NAB2: variants seen among roughly 807,000 people sequenced by gnomAD.
The protein encoded by NAB2 is NGFI-A-binding protein 2.
NAB2 carries 9 observed loss-of-function variants against 44.2 expected under a neutral mutation model. That is an observed-to-expected ratio of 0.20 (90% CI 0.12 to 0.36). The LOEUF (loss-of-function observed/expected upper bound fraction) is 0.36. NAB2 is among the 10% of genes least tolerant of loss of function. NAB2 has a pLI of 1.00. For missense variants in NAB2, 514 were observed against 709.0 expected (o/e 0.73, Z 3.12); for synonymous variants, 342 against 291.0 (o/e 1.18, Z -1.78).
chr12:57,091,785 T>C lies in NAB2; in HGVS notation c.744T>C (p.Ser248=), dbSNP rs531758924. ...AGATGGTACGCATGGTGGTGGAAAG[T>C]GTGGAGAGGATCTTCCGGAGCTTCC... ...EPEMVRMVVE[S]VERIFRSFPR... Residue 248 remains serine, a synonymous_variant, in exon 2 of 7, where the codon AGT becomes AGC. Coordinates refer to ENST00000300131, the MANE Select transcript of NAB2 (RefSeq NM_005967.4). This position sits in a 1 kb window ranked among gnomAD's most constrained non-coding sequence, Gnocchi z 7.3. 1.2e-6 allele frequency: 2 copies of C among 1,613,866 alleles called. No individual in the cohort carries two copies. Among genetic ancestry groups the C allele is most frequent in the Admixed American group, 1.7e-5 (1 of 60,014 alleles).
chr12:57,094,820 T>G lies in NAB2; in HGVS notation c.*99T>G. ...GGAATCTAGTCACAACCCTGGATCC[T>G]TCCTCTGCCCTTCTCCTGCCTCCCC... On this transcript the variant is annotated 3_prime_UTR_variant, in exon 7 of 7. Transcript: ENST00000300131. The G allele has an allele frequency of 7.3e-5, 70 of 952,598 alleles. No individual in the cohort carries two copies. Among genetic ancestry groups the G allele is most frequent in the Non-Finnish European group, 1.0e-4 (64 of 641,472 alleles). The allele number at this position is 952,598 out of a possible 1,614,324, so 59.0% of individuals were successfully genotyped here.
In NAB2 at chr12:57,093,314, G is replaced by C. The variant is rs186065396; in HGVS notation, c.1277-93G>C. 652 of 1,467,154 alleles carry C rather than the reference G, an allele frequency of 4.4e-4. 3 individuals carry two copies. The African/African-American group carries it at 4.6e-3, about 10-fold the overall frequency. The allele number at this position is 1,467,154 out of a possible 1,614,324, so 90.9% of individuals were successfully genotyped here. A position where few individuals can be genotyped will look rare whatever the true frequency, so the allele number is the denominator to read the frequency against. ...ACAGGGTTGGGAGACCTGGCTGGAGGGGGGGCAGAAGGGCCTGTGGGCTGG... is the reference window on the plus strand; with the variant it reads ...ACAGGGTTGGGAGACCTGGCTGGAGCGGGGGCAGAAGGGCCTGTGGGCTGG... On this transcript the variant is annotated intron_variant, in intron 5 of 6. Coordinates refer to ENST00000300131, the MANE Select transcript of NAB2 (RefSeq NM_005967.4).
Position 57,089,246 on chromosome 12 carries a change from G to A in NAB2, c.-26G>A. On this transcript the variant is annotated 5_prime_UTR_variant, in exon 1 of 7. Coordinates refer to ENST00000300131, the MANE Select transcript of NAB2 (RefSeq NM_005967.4). Reference sequence around the variant, plus strand: ...CGCCGAGCGCCGGGCACCGAGAAGGGCAGCCCGGGTGATCTCCGGCCGTCC... The same window carrying A: ...CGCCGAGCGCCGGGCACCGAGAAGGACAGCCCGGGTGATCTCCGGCCGTCC... 1.9e-6 allele frequency: 3 copies of A among 1,559,366 alleles called. No individual in the cohort carries two copies. Among genetic ancestry groups the A allele is most frequent in the Non-Finnish European group, 2.6e-6 (3 of 1,152,056 alleles).
intron 2 of NAB2, 174 bp from the exon 3 acceptor site, chr12:57,092,274 T>C: frequency 9.2e-7 from 1 of 1,091,620 alleles, no homozygotes; most frequent in Non-Finnish European, 1.3e-6. Flanking sequence ...CCTAGGAAGC[T>C]GTGGGTGCTG....
In NAB2 at chr12:57,094,987, T is replaced by C; in HGVS notation, c.*266T>C. On this transcript the variant is annotated 3_prime_UTR_variant, in exon 7 of 7. Transcript: ENST00000300131. ...GACTCTGCCTCCAGGGCATCTGGGG[T>C]TTTCCCCTCCCTCACACAACACACT... The C allele has an allele frequency of 2.0e-6, 1 of 489,068 alleles. No individual in the cohort carries two copies. The allele number at this position is 489,068 out of a possible 1,614,324, so 30.3% of individuals were successfully genotyped here. A position where few individuals can be genotyped will look rare whatever the true frequency, so the allele number is the denominator to read the frequency against.
Position 57,089,172 on chromosome 12 carries a change from A to T in NAB2, c.-100A>T, listed in dbSNP as rs544277888. ...GTGGAGGGAGGGACAGAGCCTGGAC[A>T]GCGGTGGACACGGCATCGTGCGCGG... On this transcript the variant is annotated 5_prime_UTR_variant, in exon 1 of 7. Transcript: ENST00000300131. 2.4e-6 allele frequency: 3 copies of T among 1,238,174 alleles called. No individual in the cohort carries two copies. The highest frequency in any genetic ancestry group is 3.4e-6 in the Non-Finnish European group (3 of 876,106). The allele number at this position is 1,238,174 out of a possible 1,614,324, so 76.7% of individuals were successfully genotyped here. A position where few individuals can be genotyped will look rare whatever the true frequency, so the allele number is the denominator to read the frequency against.
chr12:57,091,208 C>G lies in NAB2; in HGVS notation c.167C>G (p.Ser56Cys). The change falls in exon 2 of 7, where the codon TCC (serine) becomes TGC (cysteine). Residue 56 changes from serine to cysteine, a missense_variant. Coordinates refer to ENST00000300131, the MANE Select transcript of NAB2 (RefSeq NM_005967.4). This position sits in a 1 kb window ranked among gnomAD's most constrained non-coding sequence, Gnocchi z 7.3. The part of the protein sequence containing the change: ...YRVLQRANLL[S>C]YYETFIQQGG... ...GTCCTGCAGCGCGCCAACCTCCTTT[C>G]CTACTATGAGACCTTCATCCAGCAG... 1 of 1,576,072 alleles carries G rather than the reference C, an allele frequency of 6.3e-7. No homozygotes were observed. The highest frequency in any genetic ancestry group is 1.2e-5 in the South Asian group (1 of 85,960).
chr12:57,089,685 A>G (rs1201324262), intron 1 of NAB2, among the ~76,000 whole-genome samples: 4 of 145,956 alleles, frequency 2.7e-5, no homozygotes, highest in African/African-American at 1.0e-4. Flanking sequence ...TCAGTGCGGA[A>G]GGTGGGGGGA....
chr12:57,091,220 C>T lies in NAB2; in HGVS notation c.179C>T (p.Thr60Ile). ...GCCAACCTCCTTTCCTACTATGAGA[C>T]CTTCATCCAGCAGGGAGGGGACGAC... ...QRANLLSYYE[T>I]FIQQGGDDVQ... The change falls in exon 2 of 7, where the codon ACC becomes ATC. Residue 60 changes from threonine (T) to isoleucine (I), a missense_variant. Around this residue, in one of 5 missense-constraint regions of NAB2, gnomAD observed 34 missense variants for 130.5 expected, o/e 0.26. Transcript: ENST00000300131. The surrounding 1 kb of genome is among the most constrained non-coding windows in gnomAD (Gnocchi z 7.3). 1 of 1,589,252 alleles carries T rather than the reference C, an allele frequency of 6.3e-7. No homozygotes were observed. The highest frequency in any genetic ancestry group is 8.6e-7 in the Non-Finnish European group (1 of 1,163,890).
At chr12:57,093,313 G>T (rs1170443931) in intron 5 of NAB2, 94 bp from the exon 6 acceptor site, 2 of 1,464,336 alleles carry the variant, frequency 1.4e-6, no homozygotes, top group Middle Eastern at 2.0e-4. Flanking sequence ...CCTGGCTGGA[G>T]GGGGGGCAGA....
At chr12:57,089,942 G>A (rs556214133) in intron 1 of NAB2, among the ~76,000 whole-genome samples, 30 of 152,324 alleles carry the variant, frequency 2.0e-4, no homozygotes, top group Admixed American at 9.8e-4. Context: ...ATATGGGAGA[G>A]GAGAGTAGGC....
At chr12:57,094,442 C>T (rs2136548295) in intron 6 of NAB2, among the ~76,000 whole-genome samples, 170 bp from the exon 7 acceptor site, 1 of 152,224 alleles carries the variant, frequency 6.6e-6, no homozygotes, top group South Asian at 2.1e-4. Context: ...GGGGCTCACA[C>T]ACATGGGAAT....
In NAB2 at chr12:57,092,903, AC is replaced by A. The variant is rs755110809; in HGVS notation, c.1092-11del. 33 of 1,613,696 alleles carry A rather than the reference AC, an allele frequency of 2.0e-5. No individual in the cohort carries two copies. Among genetic ancestry groups the A allele is most frequent in the Non-Finnish European group, 2.7e-5 (32 of 1,179,890 alleles). ...CGTCAGCCTCATCCACTTTATTCTT[AC>A]CCATCTTTTCAGGCTTCACCCTGAA... On this transcript the variant is annotated splice_polypyrimidine_tract_variant and intron_variant, in intron 3 of 6. Coordinates refer to ENST00000300131, the MANE Select transcript of NAB2 (RefSeq NM_005967.4).
chr12:57,092,921 C>T lies in NAB2; in HGVS notation c.1096C>T (p.His366Tyr). 1 of 1,614,210 alleles carries T rather than the reference C, an allele frequency of 6.2e-7. No homozygotes were observed. Among genetic ancestry groups the T allele is most frequent in the African/African-American group, 1.3e-5 (1 of 75,060 alleles). ...YLSSLKGSRL[H>Y]PEELGGPPLK... ...TATTCTTACCCATCTTTTCAGGCTTCACCCTGAAGAACTGGGAGGCCCTCC... is the reference window on the plus strand; with the variant it reads ...TATTCTTACCCATCTTTTCAGGCTTTACCCTGAAGAACTGGGAGGCCCTCC... Residue 366 changes from histidine to tyrosine, a missense_variant, in exon 4 of 7, where the codon CAC (histidine) becomes TAC (tyrosine). This residue lies in a region of NAB2 where 194 missense variants were observed against 223.9 expected (regional missense o/e 0.87). Coordinates refer to ENST00000300131, the MANE Select transcript of NAB2 (RefSeq NM_005967.4).
intron 6 of NAB2, among the ~76,000 whole-genome samples, chr12:57,094,382 AAGAGAG>A (rs764632603): frequency 6.6e-6 from 1 of 151,680 alleles, no homozygotes; most frequent in Non-Finnish European, 1.5e-5. Flanking sequence ...GCGGGAGAGA[AAGAGAG>A]AGAGACAGAC....
chr12:57,095,121 C>G lies in NAB2; in HGVS notation c.*400C>G, dbSNP rs570584606. On this transcript the variant is annotated 3_prime_UTR_variant, in exon 7 of 7. Coordinates refer to ENST00000300131, the MANE Select transcript of NAB2 (RefSeq NM_005967.4). ...GTCCAGCTAAAAGTGGCAACATTTG[C>G]CCCCAGAATTGGGGGCCTGGGAACA... 10 of 170,448 alleles carry G rather than the reference C, an allele frequency of 5.9e-5. No individual in the cohort carries two copies. The highest frequency in any genetic ancestry group is 2.4e-4 in the African/African-American group (10 of 42,082). 10.6% of individuals were successfully genotyped at this position (170,448 alleles called of 1,614,324 possible).
intron 6 of NAB2, among the ~76,000 whole-genome samples, chr12:57,094,382 AAG>A (rs764632603): frequency 6.6e-6 from 1 of 151,680 alleles, no homozygotes; most frequent in East Asian, 1.9e-4. Context: ...GCGGGAGAGA[AAG>A]AGAGAGAGAC....
chr12:57,091,872 C>T lies in NAB2; in HGVS notation c.831C>T (p.Ser277=), dbSNP rs200125860. ...LLKLNKKLAR[S]VGHIFEMDDN... ...AGCTGAATAAGAAGCTGGCACGGAG[C>T]GTTGGGCACATCTTTGAGATGGATG... The change falls in exon 2 of 7, where the codon AGC becomes AGT. Residue 277 remains serine, a synonymous_variant. Coordinates refer to ENST00000300131, the MANE Select transcript of NAB2 (RefSeq NM_005967.4). The surrounding 1 kb of genome is among the most constrained non-coding windows in gnomAD (Gnocchi z 7.3). 9.3e-6 allele frequency: 15 copies of T among 1,614,126 alleles called. No homozygotes were observed. The highest frequency in any genetic ancestry group is 2.7e-5 in the African/African-American group (2 of 75,018).
chr12:57,092,415 A>G (rs2033210687), intron 2 of NAB2, 33 bp from the exon 3 acceptor site: 2 of 1,609,902 alleles, frequency 1.2e-6, no homozygotes, highest in Admixed American at 3.3e-5. Flanking sequence ...GGAAGTTCGA[A>G]TTCTGACTCT....
Sources: allele counts gnomAD v4.1 joint callset (sites outside exome capture counted in the v4.1 genomes callset), GRCh38; gene constraint gnomAD v4.1.1; regional missense constraint gnomAD v4.1.1; non-coding constraint Gnocchi (gnomAD v3.1); transcripts MANE v1.5; gene names NCBI Gene and HGNC (gene_info 2026-07-23, HGNC 2026-07-21).